Variants in PHEX observed in about 807,000 individuals in gnomAD.
The protein encoded by PHEX is phosphate-regulating neutral endopeptidase PHEX.
Under a neutral mutation model 68.0 loss-of-function variants are expected in PHEX, and 16 were observed. The ratio of observed to expected loss-of-function variants is 0.24; its 90% CI spans 0.16 to 0.36. PHEX has a LOEUF of 0.36. Ranked by LOEUF, PHEX falls within the 10% of genes least tolerant of loss-of-function variation. PHEX has a pLI of 1.00. For missense variants in PHEX, 480 were observed against 575.5 expected (o/e 0.83, Z 1.70); for synonymous variants, 208 against 205.1 (o/e 1.01, Z -0.12).
rs909573897 is a variant in PHEX at position 22,125,241 on chromosome X, G to C, written c.1303-8282G>C. Among the ~76,000 whole-genome samples the C allele has an allele frequency of 6.3e-5, 7 of 111,194 alleles. No homozygotes were observed. The East Asian group carries it at 1.7e-3, about 27-fold the overall frequency. ...GTTATCCACATAAATTATTAACAAC[G>C]ATTTCCATTTTTCACATTCCACCAA... On this transcript the variant is annotated intron_variant, in intron 11 of 21. Coordinates refer to ENST00000379374, the MANE Select transcript of PHEX (RefSeq NM_000444.6).
At chrX:22,152,037 G>A (rs1215116446) in intron 12 of PHEX, among the ~76,000 whole-genome samples, 1 of 112,047 alleles carries the variant, frequency 8.9e-6, no homozygotes, top group Non-Finnish European at 1.9e-5. Flanking sequence ...TATTCAGTTT[G>A]ATTTATAAAA....
chrX:22,180,986 C>T (rs1228979358), intron 14 of PHEX, among the ~76,000 whole-genome samples: 3 of 111,956 alleles, frequency 2.7e-5, no homozygotes, highest in African/African-American at 9.8e-5. Flanking sequence ...ACCACATTTT[C>T]TTTATCCATT....
chrX:22,040,697 G>C (rs562738432), intron 2 of PHEX, among the ~76,000 whole-genome samples: 4 of 110,917 alleles, frequency 3.6e-5, no homozygotes, highest in Middle Eastern at 4.7e-3. Context: ...GCATGAACTT[G>C]GTGGACTTGA....
In PHEX at chrX:22,076,458, A is replaced by G. The variant is rs1158378032; in HGVS notation, c.420A>G (p.Ser140=). ...EAIQKAKILY[S]SCMNEKAIEK... ...TACAGAAAGCCAAAATCCTTTATTC[A>G]TCCTGCATGAATGAGAGTGAGTGAT... is the stretch of plus-strand genomic sequence containing the variant. The change falls in exon 4 of 22, where the codon TCA becomes TCG. Residue 140 remains serine (S), a synonymous_variant. Coordinates refer to ENST00000379374, the MANE Select transcript of PHEX (RefSeq NM_000444.6). 1.7e-6 allele frequency: 2 copies of G among 1,180,923 alleles called. No individual in the cohort carries two copies. The highest frequency in any genetic ancestry group is 2.2e-5 in the Admixed American group (1 of 46,040).
chrX:22,181,054 C>T (rs1438557506), intron 14 of PHEX, among the ~76,000 whole-genome samples: 2 of 112,088 alleles, frequency 1.8e-5, no homozygotes, highest in African/African-American at 3.2e-5. Context: ...AACAGTTCTA[C>T]AATAAACACG....
At chrX:22,190,343 A>G in intron 14 of PHEX, 101 bp from the exon 15 acceptor site, 1 of 593,198 alleles carries the variant, frequency 1.7e-6, no homozygotes, top group Non-Finnish European at 3.0e-6. Flanking sequence ...CCATTGTTCC[A>G]TGTTATCTGC....
chrX:22,119,572 TA>T (rs1416024753), intron 11 of PHEX, among the ~76,000 whole-genome samples: 2 of 109,985 alleles, frequency 1.8e-5, no homozygotes, highest in African/African-American at 3.3e-5. Context: ...TTTTATTTTT[TA>T]ATACTCTTGT....
chrX:22,219,172 A>AT (rs1434839667), intron 17 of PHEX, 69 bp downstream of exon 17: 4 of 723,723 alleles, frequency 5.5e-6, no homozygotes, highest in Non-Finnish European at 8.8e-6. Context: ...GTTAATTGTT[A>AT]TGATTATCTT....
intron 11 of PHEX, among the ~76,000 whole-genome samples, chrX:22,127,320 G>A: frequency 9.0e-6 from 1 of 111,550 alleles, no homozygotes; most frequent in South Asian, 3.7e-4. Flanking sequence ...ATTTCCTATG[G>A]ATAACTTCAC....
intron 3 of PHEX, among the ~76,000 whole-genome samples, chrX:22,056,151 T>A (rs1250246168): frequency 8.9e-6 from 1 of 112,033 alleles, no homozygotes; most frequent in Non-Finnish European, 1.9e-5. Context: ...TCTGTGAAAA[T>A]AGTCTTATTT....
At chrX:22,198,693 G>A (rs1934451522) in intron 15 of PHEX, among the ~76,000 whole-genome samples, 1 of 111,538 alleles carries the variant, frequency 9.0e-6, no homozygotes, top group Non-Finnish European at 1.9e-5. Context: ...GGAGTGATGG[G>A]AGATGATAAG....
At chrX:22,128,255 G>C (rs763876129) in intron 11 of PHEX, among the ~76,000 whole-genome samples, 1 of 108,259 alleles carries the variant, frequency 9.2e-6, no homozygotes, top group East Asian at 2.9e-4. Context: ...TAGAGACGGG[G>C]TTTCACCATG....
intron 2 of PHEX, among the ~76,000 whole-genome samples, chrX:22,044,386 A>C (rs1420648091): frequency 9.0e-6 from 1 of 111,500 alleles, no homozygotes; most frequent in Non-Finnish European, 1.9e-5. Flanking sequence ...ATGTCCTAGC[A>C]CATTTGCACA....
chrX:22,174,804 T>G (rs1318671256), intron 13 of PHEX, among the ~76,000 whole-genome samples: 1 of 112,353 alleles, frequency 8.9e-6, no homozygotes, highest in Non-Finnish European at 1.9e-5. Flanking sequence ...CTTTATAGCC[T>G]TTGTTACCAT....
intron 3 of PHEX, among the ~76,000 whole-genome samples, chrX:22,074,959 C>T (rs1929080446): frequency 9.1e-6 from 1 of 109,327 alleles, no homozygotes; most frequent in Non-Finnish European, 1.9e-5. Flanking sequence ...CACCTGTAAT[C>T]TCAGCTACTC....
intron 2 of PHEX, among the ~76,000 whole-genome samples, chrX:22,040,345 A>G (rs1223213556): frequency 9.0e-6 from 1 of 111,469 alleles, no homozygotes; most frequent in Non-Finnish European, 1.9e-5. Context: ...AATTAATACA[A>G]TGAGAAAATT....
chrX:22,042,081 G>A (rs1177432553), intron 2 of PHEX, among the ~76,000 whole-genome samples: 1 of 111,570 alleles, frequency 9.0e-6, no homozygotes. Flanking sequence ...ACACATGGCA[G>A]GAGAATTACG....
In PHEX at chrX:22,185,964, C is replaced by T. The variant is rs143520903; in HGVS notation, c.1587-4480C>T. Among the ~76,000 whole-genome samples, 809 of 110,510 alleles carry T rather than the reference C, an allele frequency of 7.3e-3. 7 individuals are homozygous for T. The highest frequency in any genetic ancestry group is 0.026 in the African/African-American group (783 of 30,170). The stretch of plus-strand genomic sequence containing the variant: ...ACAGACAGCATTTCACCATGTTGGC[C>T]AGGCTGGTTTCGAACTCCTGACTTC... On this transcript the variant is annotated intron_variant, in intron 14 of 21. Coordinates refer to ENST00000379374, the MANE Select transcript of PHEX (RefSeq NM_000444.6).
chrX:22,237,779 C>T (rs1936033097), intron 20 of PHEX, among the ~76,000 whole-genome samples: 1 of 112,230 alleles, frequency 8.9e-6, no homozygotes, highest in African/African-American at 3.2e-5. Context: ...TCTTTGTTCC[C>T]ATTTCCCCCT....
Sources: gnomAD v4.1 joint callset for allele counts (sites outside exome capture counted in the v4.1 genomes callset) on GRCh38, gnomAD v4.1.1 for gene constraint, MANE v1.5 for transcripts, NCBI Gene and HGNC (gene_info 2026-07-23, HGNC 2026-07-21) for gene names.